Variants in CNTNAP2 observed in about 807,000 individuals in gnomAD.
CNTNAP2 encodes the protein contactin associated protein 2.
Under a neutral mutation model 155.2 loss-of-function variants are expected in CNTNAP2, and 98 were observed. The ratio of observed to expected loss-of-function variants is 0.63; its 90% CI spans 0.54 to 0.75. CNTNAP2 has a LOEUF of 0.75. Among genes scored for constraint, CNTNAP2 ranks in the 30% least tolerant of loss-of-function variants. CNTNAP2 has a pLI of 0.00. For synonymous variants in CNTNAP2, 651 were observed against 631.2 expected (o/e 1.03, Z -0.47); for missense variants, 1,727 against 1,688.1 (o/e 1.02, Z -0.40).
intron 13 of CNTNAP2, among the ~76,000 whole-genome samples, chr7:147,859,422 CAAAAA>C (rs35631450): frequency 1.5e-5 from 2 of 130,132 alleles, no homozygotes; most frequent in Admixed American, 7.7e-5. Flanking sequence ...AGATCAAGAC[CAAAAA>C]AAAAAAAAAA....
intron 1 of CNTNAP2, among the ~76,000 whole-genome samples, chr7:146,658,973 C>A (rs1480846700): frequency 1.3e-5 from 2 of 152,206 alleles, no homozygotes; most frequent in East Asian, 3.9e-4. Flanking sequence ...GCTGCAGCCA[C>A]CTCCCCTGCA....
chr7:146,295,605 A>G (rs2129087361), intron 1 of CNTNAP2, among the ~76,000 whole-genome samples: 1 of 152,288 alleles, frequency 6.6e-6, no homozygotes, highest in Non-Finnish European at 1.5e-5. Context: ...TGCTAATAAA[A>G]GAAAAAATCG....
chr7:147,623,294 T>C (rs1173973378), intron 12 of CNTNAP2, among the ~76,000 whole-genome samples: 2 of 152,046 alleles, frequency 1.3e-5, no homozygotes, highest in African/African-American at 4.8e-5. Flanking sequence ...GGCATCCAAA[T>C]TGGAGTGGAA....
chr7:147,804,645 C>T (rs958317519), intron 13 of CNTNAP2, among the ~76,000 whole-genome samples: 7 of 152,016 alleles, frequency 4.6e-5, no homozygotes, highest in Admixed American at 2.0e-4. Flanking sequence ...CCTCTGCCTC[C>T]CAGGCTCAAG....
At chr7:148,119,821 T>C (rs1804562544) in intron 16 of CNTNAP2, among the ~76,000 whole-genome samples, 1 of 152,170 alleles carries the variant, frequency 6.6e-6, no homozygotes, top group Non-Finnish European at 1.5e-5. Context: ...GTAGTTATTG[T>C]AATTATCATC....
At chr7:147,083,947 G>A (rs953860262) in intron 4 of CNTNAP2, among the ~76,000 whole-genome samples, 3 of 91,334 alleles carry the variant, frequency 3.3e-5, no homozygotes, top group African/African-American at 1.0e-4. Flanking sequence ...ATATTATATA[G>A]CATTATATAT....
At chr7:147,825,024 C>T (rs534230618) in intron 13 of CNTNAP2, among the ~76,000 whole-genome samples, 24 of 152,134 alleles carry the variant, frequency 1.6e-4, no homozygotes, top group East Asian at 9.7e-4. Flanking sequence ...TTACTTGCTA[C>T]GGATTATACT....
At chr7:148,081,840 A>G (rs912005922) in intron 15 of CNTNAP2, among the ~76,000 whole-genome samples, 1 of 152,134 alleles carries the variant, frequency 6.6e-6, no homozygotes, top group Non-Finnish European at 1.5e-5. Context: ...ACTTCATGGC[A>G]TGAATGTATG....
intron 13 of CNTNAP2, among the ~76,000 whole-genome samples, chr7:147,819,858 T>C (rs1798335846): frequency 6.6e-6 from 1 of 152,210 alleles, no homozygotes. Flanking sequence ...CTCCATGTTG[T>C]TAAATGGTAT....
intron 3 of CNTNAP2, among the ~76,000 whole-genome samples, chr7:147,017,333 T>C (rs968099718): frequency 1.4e-4 from 21 of 148,286 alleles, no homozygotes; most frequent in African/African-American, 5.3e-4. Context: ...TAATGGGATG[T>C]AATTTGTTAT....
intron 15 of CNTNAP2, among the ~76,000 whole-genome samples, chr7:148,076,496 C>A (rs1329141811): frequency 7.3e-6 from 1 of 137,618 alleles, no homozygotes; most frequent in Non-Finnish European, 1.5e-5. Flanking sequence ...AGTGCAGTGG[C>A]CCGATCTCGG....
intron 1 of CNTNAP2, among the ~76,000 whole-genome samples, chr7:146,516,085 A>T (rs1246723137): frequency 6.6e-6 from 1 of 152,026 alleles, no homozygotes; most frequent in East Asian, 1.9e-4. Flanking sequence ...GACAACTCTC[A>T]TTTCCACTGC....
intron 8 of CNTNAP2, chr7:147,161,913 G>A (rs1000848531): frequency 6.6e-6 from 1 of 152,124 alleles, no homozygotes; most frequent in African/African-American, 2.4e-5. Flanking sequence ...AACAAAAGGA[G>A]AGCACAGAAA....
At chr7:147,292,478 A>G (rs911453287) in intron 8 of CNTNAP2, among the ~76,000 whole-genome samples, 1 of 151,942 alleles carries the variant, frequency 6.6e-6, no homozygotes, top group Non-Finnish European at 1.5e-5. Context: ...GCATTTTCTT[A>G]AACATTTTTG....
chr7:147,588,645 C>A (rs2116840020), intron 12 of CNTNAP2, among the ~76,000 whole-genome samples: 1 of 152,224 alleles, frequency 6.6e-6, no homozygotes, highest in South Asian at 2.1e-4. Context: ...CCATTATGTT[C>A]TTTCCTTCAC....
At chr7:148,234,283 C>G (rs1026085980) in intron 20 of CNTNAP2, among the ~76,000 whole-genome samples, 2 of 152,186 alleles carry the variant, frequency 1.3e-5, no homozygotes, top group African/African-American at 4.8e-5. Flanking sequence ...GCTTAATAGA[C>G]AGATGTCTGG....
At chr7:148,127,948 T>A (rs1804749248) in intron 16 of CNTNAP2, among the ~76,000 whole-genome samples, 1 of 152,116 alleles carries the variant, frequency 6.6e-6, no homozygotes, top group East Asian at 1.9e-4. Context: ...TGGCTCACCA[T>A]AACCTCCACC....
At chr7:146,602,854 C>A (rs991341182) in intron 1 of CNTNAP2, among the ~76,000 whole-genome samples, 1 of 152,038 alleles carries the variant, frequency 6.6e-6, no homozygotes, top group African/African-American at 2.4e-5. Flanking sequence ...TGGGGGAGAC[C>A]AAATACTATT....
rs141791695 is a variant in CNTNAP2 at position 148,291,426 on chromosome 7, T to C, written c.3475+24300T>C. ...AGTCCGAGTTCCAAAACTGAAGAAC[T>C]TGGAGTCCAATGTTCCAGGGCAGGA... is the stretch of plus-strand genomic sequence containing the variant. On this transcript the variant is annotated intron_variant, in intron 21 of 23. Coordinates refer to ENST00000361727, the MANE Select transcript of CNTNAP2 (RefSeq NM_014141.6). 4.1e-3 allele frequency among the ~76,000 whole-genome samples: 631 copies of C among 152,162 alleles called. 4 individuals carry two copies. The highest frequency in any genetic ancestry group is 0.014 in the African/African-American group (601 of 41,516).
Sources: gnomAD v4.1 joint callset for allele counts (sites outside exome capture counted in the v4.1 genomes callset) on GRCh38, gnomAD v4.1.1 for gene constraint, MANE v1.5 for transcripts, NCBI Gene and HGNC (gene_info 2026-07-23, HGNC 2026-07-21) for gene names.